The following CTDSPL variants were observed in gnomAD, a reference collection of about 807,000 sequenced individuals.
The protein encoded by CTDSPL is CTD small phosphatase-like protein.
Under a neutral mutation model 30.5 loss-of-function variants are expected in CTDSPL, and 8 were observed. The ratio of observed to expected loss-of-function variants is 0.26; its 90% CI spans 0.15 to 0.47. CTDSPL has a LOEUF of 0.47. Ranked by LOEUF, CTDSPL falls within the 20% of genes least tolerant of loss-of-function variation. The pLI is 0.99. For synonymous variants in CTDSPL, 110 were observed against 137.9 expected (o/e 0.80, Z 1.42); for missense variants, 248 against 366.1 (o/e 0.68, Z 2.63).
At chr3:37,949,364 C>T (rs1282507163) in intron 2 of CTDSPL, among the ~76,000 whole-genome samples, 2 of 152,084 alleles carry the variant, frequency 1.3e-5, no homozygotes, top group Non-Finnish European at 2.9e-5. Flanking sequence ...CCATGAGGTA[C>T]CATCCAGCAT....
In CTDSPL at chr3:37,967,854, C is replaced by T. The variant is rs1025425799; in HGVS notation, c.398C>T (p.Pro133Leu). ...ATTAGTAATGCTGATTTTATTGTTC[C>T]GGTTGAAATCGATGGAACTATACAT... is the stretch of plus-strand genomic sequence containing the variant. Reference protein sequence around the residue: ...KPISNADFIVPVEIDGTIHQV... With the variant: ...KPISNADFIVLVEIDGTIHQV... The change falls in exon 5 of 8, where the codon CCG becomes CTG. Residue 133 changes from proline to leucine, a missense_variant. This residue lies in a region of CTDSPL where 45 missense variants were observed against 83.1 expected (regional missense o/e 0.54). Coordinates refer to ENST00000273179, the MANE Select transcript of CTDSPL (RefSeq NM_001008392.2). 3.1e-6 allele frequency: 5 copies of T among 1,599,186 alleles called. No individual in the cohort carries two copies. The highest frequency in any genetic ancestry group is 4.5e-5 in the East Asian group (2 of 44,522).
intron 1 of CTDSPL, among the ~76,000 whole-genome samples, chr3:37,874,769 G>C (rs1698117010): frequency 6.6e-6 from 1 of 151,946 alleles, no homozygotes; most frequent in South Asian, 2.1e-4. Flanking sequence ...AATACAGACA[G>C]ACACACGCAC....
chr3:37,963,668 C>T (rs1331766640), intron 3 of CTDSPL, among the ~76,000 whole-genome samples: 1 of 152,102 alleles, frequency 6.6e-6, no homozygotes, highest in Non-Finnish European at 1.5e-5. Context: ...GAAATAAATC[C>T]TCTAAATCGA....
At chr3:37,922,703 A>T (rs1274836269) in intron 1 of CTDSPL, among the ~76,000 whole-genome samples, 1 of 152,100 alleles carries the variant, frequency 6.6e-6, no homozygotes, top group African/African-American at 2.4e-5. Context: ...GCACTTTGTC[A>T]CTCCTTATTA....
In CTDSPL at chr3:37,889,293, T is replaced by G. The variant is rs115656573; in HGVS notation, c.79+27015T>G. On this transcript the variant is annotated intron_variant, in intron 1 of 7. Transcript: ENST00000273179. ...AAGCCCTTATATATAAGGCATTAAT[T>G]TGGATATCAAACTGTTTGAAATTTT... Among the ~76,000 whole-genome samples the G allele has an allele frequency of 8.0e-3, 1,225 of 152,324 alleles. 16 individuals carry two copies. Among genetic ancestry groups the G allele is most frequent in the African/African-American group, 0.027 (1,136 of 41,564 alleles).
intron 1 of CTDSPL, among the ~76,000 whole-genome samples, chr3:37,916,194 T>G (rs1194461319): frequency 6.6e-6 from 1 of 152,222 alleles, no homozygotes; most frequent in Non-Finnish European, 1.5e-5. Flanking sequence ...TGGATTTCTC[T>G]CTTCACCAGA....
rs535211315 is a variant in CTDSPL, at chr3:37,967,962, C to T, written c.426+80C>T. On this transcript the variant is annotated intron_variant, in intron 5 of 7. Transcript: ENST00000273179. ...TTCCTATGAACTTTATTTCTAAATT[C>T]TCATTTCAGTAATAACTTTATTACG... is the stretch of plus-strand genomic sequence containing the variant. 161 of 947,808 alleles carry T rather than the reference C, an allele frequency of 1.7e-4. No homozygotes were observed. In the Middle Eastern group the frequency reaches 2.0e-3, roughly 11 times the overall value. The allele number at this position is 947,808 out of a possible 1,614,324, so 58.7% of individuals were successfully genotyped here. A position where few individuals can be genotyped will look rare whatever the true frequency, so the allele number is the denominator to read the frequency against.
intron 1 of CTDSPL, among the ~76,000 whole-genome samples, chr3:37,940,942 T>G (rs1259094915): frequency 6.6e-6 from 1 of 150,402 alleles, no homozygotes. Flanking sequence ...GTCTTGTCTT[T>G]AGAGAGGAAG....
Position 37,949,899 on chromosome 3 carries a change from A to G in CTDSPL, c.234+2688A>G, listed in dbSNP as rs115696778. Among the ~76,000 whole-genome samples the G allele has an allele frequency of 3.8e-3, 581 of 152,298 alleles. 3 individuals carry two copies. The highest frequency in any genetic ancestry group is 0.013 in the African/African-American group (548 of 41,550). ...AGGGTAGAGAGCAGGCACAGGATTT[A>G]TTCTCTCTGGTACTCAGTAAGAAGC... On this transcript the variant is annotated intron_variant, in intron 2 of 7. Coordinates refer to ENST00000273179, the MANE Select transcript of CTDSPL (RefSeq NM_001008392.2).
chr3:37,888,001 G>A (rs1194164111), intron 1 of CTDSPL, among the ~76,000 whole-genome samples: 1 of 152,236 alleles, frequency 6.6e-6, no homozygotes, highest in African/African-American at 2.4e-5. Context: ...CAACCACGCA[G>A]ATGAGCAGAG....
intron 6 of CTDSPL, among the ~76,000 whole-genome samples, chr3:37,973,547 G>T (rs187147637): frequency 6.6e-6 from 1 of 152,186 alleles, no homozygotes; most frequent in East Asian, 1.9e-4. Context: ...CCTCGCTGAG[G>T]TACATGTCCT....
At chr3:37,937,716 A>C (rs958282000) in intron 1 of CTDSPL, among the ~76,000 whole-genome samples, 2 of 150,406 alleles carry the variant, frequency 1.3e-5, no homozygotes, top group African/African-American at 4.8e-5. Context: ...GAGATGGTGG[A>C]GGGTGAGGAA....
At chr3:37,960,535 T>TATACACACAC (rs1327299412) in intron 3 of CTDSPL, among the ~76,000 whole-genome samples, 15 of 16,288 alleles carry the variant, frequency 9.2e-4, no homozygotes, top group Non-Finnish European at 1.5e-3. Context: ...TATATATATA[T>TATACACACAC]ACACACACAC....
chr3:37,899,746 C>G (rs946773741), intron 1 of CTDSPL, among the ~76,000 whole-genome samples: 1 of 152,218 alleles, frequency 6.6e-6, no homozygotes, highest in African/African-American at 2.4e-5. Flanking sequence ...ATTGCATTCA[C>G]AGGCTATGTA....
intron 1 of CTDSPL, among the ~76,000 whole-genome samples, chr3:37,888,859 G>A (rs1698292286): frequency 1.3e-5 from 2 of 152,210 alleles, no homozygotes; most frequent in Non-Finnish European, 2.9e-5. Flanking sequence ...AAAGGGCACT[G>A]CCACCAGCCA....
rs1699183301 is a variant in CTDSPL at position 37,957,102 on chromosome 3, T to A, written c.235-9T>A. On this transcript the variant is annotated splice_polypyrimidine_tract_variant and intron_variant, in intron 2 of 7. Coordinates refer to ENST00000273179, the MANE Select transcript of CTDSPL (RefSeq NM_001008392.2). ...ACCTGACAATGATTTTTTTTTTCTT[T>A]TTCCTCAGGGTGACCAGAGGCAGGT... 4.4e-6 allele frequency: 7 copies of A among 1,599,972 alleles called. No individual in the cohort carries two copies. In the East Asian group the frequency reaches 1.6e-4, roughly 36 times the overall value.
At position 37,982,620 on chromosome 3, in the gene CTDSPL, G is replaced by C. The variant is rs1464365428; in HGVS notation, c.*1753G>C. On this transcript the variant is annotated 3_prime_UTR_variant, in exon 8 of 8. Transcript: ENST00000273179. ...CCAACAGCACTTTGGTCTGTGGACT[G>C]CTGTGTGAATATTCAGAAGGGAAGT... The C allele has an allele frequency of 6.6e-6, 3 of 456,594 alleles. No homozygotes were observed. The highest frequency in any genetic ancestry group is 2.0e-5 in the African/African-American group (1 of 50,074). 28.3% of individuals were successfully genotyped at this position (456,594 alleles called of 1,614,324 possible). A position where few individuals can be genotyped will look rare whatever the true frequency, so the allele number is the denominator to read the frequency against.
chr3:37,910,159 A>G (rs1385358274), intron 1 of CTDSPL, among the ~76,000 whole-genome samples: 1 of 152,232 alleles, frequency 6.6e-6, no homozygotes, highest in Non-Finnish European at 1.5e-5. Context: ...TAGGCCACAT[A>G]GTAACCACAT....
intron 7 of CTDSPL, among the ~76,000 whole-genome samples, chr3:37,980,018 C>T (rs369248335): frequency 6.6e-6 from 1 of 152,140 alleles, no homozygotes; most frequent in African/African-American, 2.4e-5. Flanking sequence ...TTCAAAGTTA[C>T]GTAATAAATG....
Sources: gnomAD v4.1 joint callset for allele counts (sites outside exome capture counted in the v4.1 genomes callset) on GRCh38, gnomAD v4.1.1 for gene constraint, gnomAD v4.1.1 regional missense constraint, MANE v1.5 for transcripts, NCBI Gene and HGNC (gene_info 2026-07-23, HGNC 2026-07-21) for gene names.